Variants in POLB observed in about 807,000 individuals in gnomAD.
POLB encodes the protein DNA polymerase beta.
A neutral mutation model predicts 52.7 loss-of-function variants in POLB; 37 were observed. That is an observed-to-expected ratio of 0.70 (90% CI 0.54 to 0.92). POLB has a LOEUF of 0.92. POLB is among the 40% of genes least tolerant of loss of function. The probability of loss-of-function intolerance (pLI) is 0.00; values close to 1 mark genes in which losing one functional copy is unlikely to be tolerated. For missense variants in POLB, 313 were observed against 400.8 expected, an observed-to-expected ratio of 0.78 and a Z score of 1.87; for synonymous variants, 138 against 131.3, an observed-to-expected ratio of 1.05 and a Z score of -0.35.
In POLB at chr8:42,369,318, C is replaced by T. The variant is rs772375638; in HGVS notation, c.756C>T (p.His252=). The T allele has an allele frequency of 1.8e-5, 28 of 1,584,480 alleles. No homozygotes were observed. In the Admixed American group the frequency reaches 4.5e-4, roughly 26 times the overall value. ...PSKNDEKEYP[H]RRIDIRLIPK... ...AAAATGATGAAAAAGAATATCCACA[C>T]AGAAGAATTGATATCAGGTATTGTT... is the stretch of plus-strand genomic sequence containing the variant. Residue 252 remains histidine, a synonymous_variant, in exon 12 of 14, where the codon CAC becomes CAT. Coordinates refer to ENST00000265421, the MANE Select transcript of POLB (RefSeq NM_002690.3).
chr8:42,367,915 G>A (rs1038412133), intron 11 of POLB, among the ~76,000 whole-genome samples: 1 of 152,128 alleles, frequency 6.6e-6, no homozygotes, highest in African/African-American at 2.4e-5. Context: ...AATATCTGCA[G>A]TAAGAATTCA....
At chr8:42,350,872 ATTT>A (rs34783985) in intron 5 of POLB, among the ~76,000 whole-genome samples, 1 of 148,058 alleles carries the variant, frequency 6.8e-6, no homozygotes. Flanking sequence ...AATTACAAAA[ATTT>A]TTTTTTTTTT....
At chr8:42,345,288 C>T (rs576592256) in intron 3 of POLB, among the ~76,000 whole-genome samples, 1 of 152,272 alleles carries the variant, frequency 6.6e-6, no homozygotes, top group African/African-American at 2.4e-5. Flanking sequence ...CATGTACTCA[C>T]GTTGAATTTC....
At chr8:42,370,299 T>C (rs918570672) in intron 13 of POLB, 2 of 419,296 alleles carry the variant, frequency 4.8e-6, no homozygotes, top group Non-Finnish European at 8.9e-6. Context: ...TTGTTTAATG[T>C]ACCTCTAGGA....
At chr8:42,358,932 T>C (rs1823499592) in intron 9 of POLB, among the ~76,000 whole-genome samples, 1 of 152,184 alleles carries the variant, frequency 6.6e-6, no homozygotes, top group African/African-American at 2.4e-5. Context: ...TCTCCTTAGG[T>C]GGGAACTGGG....
At chr8:42,355,900 A>G (rs1823283647) in intron 7 of POLB, among the ~76,000 whole-genome samples, 1 of 152,226 alleles carries the variant, frequency 6.6e-6, no homozygotes, top group Admixed American at 6.5e-5. Context: ...CACTAGGTCT[A>G]GGGTAAAGAT....
intron 10 of POLB, 104 bp from the exon 11 acceptor site, chr8:42,362,508 C>T (rs1235043827): frequency 2.8e-6 from 2 of 721,776 alleles, no homozygotes; most frequent in Non-Finnish European, 4.8e-6. Flanking sequence ...AGTCTCCAGC[C>T]TGTGCAATAT....
chr8:42,350,301 G>T (rs1423556014), intron 5 of POLB, among the ~76,000 whole-genome samples: 1 of 152,022 alleles, frequency 6.6e-6, no homozygotes. Context: ...TGGTTACCCA[G>T]GCAGAAAGAA....
In POLB at chr8:42,343,369, T is replaced by TACACAC. The variant is rs1554531652; in HGVS notation, c.120-1579_120-1578insCACACA. 5.2e-4 allele frequency among the ~76,000 whole-genome samples: 19 copies of TACACAC among 36,298 alleles called. 2 individuals carry two copies. The highest frequency in any genetic ancestry group is 1.2e-3 in the South Asian group (1 of 862). 23.8% of individuals were successfully genotyped at this position (36,298 alleles called of 152,430 possible). On this transcript the variant is annotated intron_variant, in intron 2 of 13. Transcript: ENST00000265421. ...AAATATATATATATATATATATATA[T>TACACAC]ACACAAAATTAGCCAGGTGTGGTAG...
intron 3 of POLB, among the ~76,000 whole-genome samples, chr8:42,347,211 T>A (rs1328342551): frequency 6.6e-6 from 1 of 151,870 alleles, no homozygotes; most frequent in East Asian, 1.9e-4. Context: ...TTTTCACAAT[T>A]ATTGAAGAAT....
intron 9 of POLB, among the ~76,000 whole-genome samples, chr8:42,360,469 T>G (rs778279272): frequency 3.6e-4 from 55 of 152,316 alleles, no homozygotes; most frequent in Non-Finnish European, 6.0e-4. Flanking sequence ...TAGTGGATGC[T>G]TTTACATATG....
intron 4 of POLB, among the ~76,000 whole-genome samples, chr8:42,349,564 A>G (rs961986678): frequency 1.3e-5 from 2 of 151,908 alleles, no homozygotes; most frequent in Non-Finnish European, 2.9e-5. Context: ...AATTTTTTGC[A>G]TTTTTAGTAG....
At chr8:42,360,108 C>T (rs541548936) in intron 9 of POLB, among the ~76,000 whole-genome samples, 1 of 136,708 alleles carries the variant, frequency 7.3e-6, no homozygotes, top group South Asian at 2.3e-4. Flanking sequence ...CCACCATGCC[C>T]GGCTAATTTT....
Position 42,348,966 on chromosome 8 carries a change from T to C in POLB, c.187-50T>C, listed in dbSNP as rs56047898. On this transcript the variant is annotated intron_variant, in intron 3 of 13. Coordinates refer to ENST00000265421, the MANE Select transcript of POLB (RefSeq NM_002690.3). Reference sequence around the variant, plus strand: ...CTTTTTACTTTATCTTTTAGTGATTTGGTAAGCATTATATTCATATGACTT... The same window carrying C: ...CTTTTTACTTTATCTTTTAGTGATTCGGTAAGCATTATATTCATATGACTT... 3.1e-4 allele frequency: 293 copies of C among 954,328 alleles called. 5 individuals are homozygous for C. The East Asian group carries it at 7.4e-3, about 24-fold the overall frequency. The allele number at this position is 954,328 out of a possible 1,614,324, so 59.1% of individuals were successfully genotyped here.
chr8:42,361,787 C>CT (rs1182810811), intron 10 of POLB: 5 of 94,924 alleles, frequency 5.3e-5, no homozygotes, highest in South Asian at 2.9e-4. Flanking sequence ...TCTTTGATTG[C>CT]TTTTTTTTCC....
At chr8:42,339,106 T>C in intron 2 of POLB, 37 bp downstream of exon 2, 1 of 1,497,924 alleles carries the variant, frequency 6.7e-7, no homozygotes, top group Non-Finnish European at 9.3e-7. Context: ...GCATACGTTC[T>C]GGGATACCCT....
At chr8:42,367,215 G>C (rs1563408763) in intron 11 of POLB, among the ~76,000 whole-genome samples, 1 of 152,150 alleles carries the variant, frequency 6.6e-6, no homozygotes, top group South Asian at 2.1e-4. Flanking sequence ...TGAGGACTGT[G>C]GGAAGGGACT....
At chr8:42,357,253 T>C (rs1563400855) in intron 8 of POLB, 30 bp downstream of exon 8, 4 of 1,468,444 alleles carry the variant, frequency 2.7e-6, no homozygotes. Flanking sequence ...ATTCTTTGAT[T>C]AGAATTGAGA....
At chr8:42,361,404 A>C in intron 10 of POLB, 39 bp downstream of exon 10, 1 of 1,304,068 alleles carries the variant, frequency 7.7e-7, no homozygotes, top group Non-Finnish European at 1.1e-6. Flanking sequence ...TCAGTCTTAC[A>C]CAACAGTGAA....
Sources: allele counts gnomAD v4.1 joint callset (sites outside exome capture counted in the v4.1 genomes callset), GRCh38; gene constraint gnomAD v4.1.1; transcripts MANE v1.5; gene names NCBI Gene and HGNC (gene_info 2026-07-23, HGNC 2026-07-21).